The following CLIC5 variants were observed in gnomAD, a reference collection of about 807,000 sequenced individuals.
CLIC5 encodes chloride intracellular channel protein 5.
In CLIC5, 20 loss-of-function variants were observed where a neutral mutation model predicts 24.7. The ratio of observed to expected loss-of-function variants is 0.81; its 90% CI spans 0.57 to 1.18. CLIC5 has a LOEUF of 1.18. Ranked by LOEUF, CLIC5 falls within the 50% of genes most tolerant of loss-of-function variation. The pLI, the probability that CLIC5 is intolerant of heterozygous loss-of-function variation, is 0.00. For synonymous variants in CLIC5, 159 were observed against 135.6 expected (o/e 1.17, Z -1.20); for missense variants, 341 against 326.1 (o/e 1.05, Z -0.35).
rs185877813 is a variant in CLIC5, at chr6:45,922,593, G to A, written c.407-8184C>T. 2.9e-4 allele frequency among the ~76,000 whole-genome samples: 44 copies of A among 152,224 alleles called. 1 individual carries two copies. The East Asian group carries it at 6.4e-3, about 22-fold the overall frequency. ...AAAACACCAGCATGGTAAACATTTA[G>A]GACAACTTTAGCATGCCTTTAGTAT... is the stretch of plus-strand genomic sequence containing the variant. On this transcript the variant is annotated intron_variant, in intron 4 of 5. Coordinates refer to ENST00000339561, the MANE Select transcript of CLIC5 (RefSeq NM_016929.5).
chr6:46,017,651 T>G (rs143942836), upstream of CLIC5, among the ~76,000 whole-genome samples: 6 of 152,286 alleles, frequency 3.9e-5, no homozygotes, highest in African/African-American at 1.4e-4. Context: ...GAATAATAGT[T>G]ACATGAAATG....
At chr6:46,105,895 TTC>T in the CLIC5 span, among the ~76,000 whole-genome samples, 1 of 152,208 alleles carries the variant, frequency 6.6e-6, no homozygotes, top group Non-Finnish European at 1.5e-5. Flanking sequence ...GGCTATGTAT[TTC>T]TTTGTGTTTA....
chr6:45,992,300 G>T (rs1015101886), intron 1 of CLIC5, among the ~76,000 whole-genome samples: 1 of 152,198 alleles, frequency 6.6e-6, no homozygotes, highest in African/African-American at 2.4e-5. Flanking sequence ...TGTTGACCCA[G>T]CTCATTTCTA....
chr6:46,087,184 A>G, the CLIC5 span, among the ~76,000 whole-genome samples: 3 of 152,284 alleles, frequency 2.0e-5, no homozygotes, highest in East Asian at 5.8e-4. Context: ...ATTTTAGATT[A>G]TACAATCTGG....
intron 1 of CLIC5, among the ~76,000 whole-genome samples, chr6:46,005,975 T>TGA (rs1766538893): frequency 7.9e-6 from 1 of 126,842 alleles, no homozygotes; most frequent in East Asian, 2.1e-4. Context: ...ACAGAGCCTA[T>TGA]GTGTGTATAT....
At chr6:46,044,781 A>G (rs896537682) in intron 1 of CLIC5, among the ~76,000 whole-genome samples, 2 of 152,232 alleles carry the variant, frequency 1.3e-5, no homozygotes, top group African/African-American at 4.8e-5. Flanking sequence ...AACACAATTA[A>G]TGAAAGTTAC....
At chr6:46,102,943 C>T in the CLIC5 span, among the ~76,000 whole-genome samples, 8 of 152,308 alleles carry the variant, frequency 5.3e-5, no homozygotes, top group South Asian at 2.1e-4. Context: ...TTCTCCCTTG[C>T]GGATAAACAC....
At chr6:46,109,211 G>T in the CLIC5 span, among the ~76,000 whole-genome samples, 4 of 152,014 alleles carry the variant, frequency 2.6e-5, no homozygotes, top group Non-Finnish European at 5.9e-5. Flanking sequence ...TCGAAGAATG[G>T]TTTATAATTG....
At chr6:45,926,515 C>G (rs1763504574) in intron 4 of CLIC5, among the ~76,000 whole-genome samples, 1 of 151,960 alleles carries the variant, frequency 6.6e-6, no homozygotes, top group Non-Finnish European at 1.5e-5. Context: ...CTCGGCTTCC[C>G]AAAGTGCTGG....
At chr6:46,057,123 C>T (rs1331912024) in intron 1 of CLIC5, among the ~76,000 whole-genome samples, 1 of 152,200 alleles carries the variant, frequency 6.6e-6, no homozygotes, top group East Asian at 1.9e-4. Flanking sequence ...GCATTCTATT[C>T]ATCTGAGCCT....
chr6:45,915,578 C>T (rs1762999290), intron 4 of CLIC5, among the ~76,000 whole-genome samples: 2 of 152,160 alleles, frequency 1.3e-5, no homozygotes, highest in African/African-American at 4.8e-5. Flanking sequence ...AGGGCTCCAC[C>T]ACAAATGTGC....
At chr6:46,057,078 A>G (rs1768280202) in intron 1 of CLIC5, among the ~76,000 whole-genome samples, 1 of 152,212 alleles carries the variant, frequency 6.6e-6, no homozygotes, top group Non-Finnish European at 1.5e-5. Flanking sequence ...ATGTTGATTC[A>G]GACGCTTATC....
rs1436003308 is a variant in CLIC5, at chr6:45,903,085, T to C, written c.*3A>G. Reference sequence around the variant, plus strand: ...CAGCGGGGATGGGGCAAAATGGCTGTGCTCAGGATCGGCTGAGGCGTTTGG... The same window carrying C: ...CAGCGGGGATGGGGCAAAATGGCTGCGCTCAGGATCGGCTGAGGCGTTTGG... On this transcript the variant is annotated 3_prime_UTR_variant, in exon 6 of 6. Transcript: ENST00000339561. 2 of 1,614,084 alleles carry C rather than the reference T, an allele frequency of 1.2e-6. No homozygotes were observed. Among genetic ancestry groups the C allele is most frequent in the Admixed American group, 1.7e-5 (1 of 60,010 alleles).
intron 1 of CLIC5, among the ~76,000 whole-genome samples, chr6:46,045,381 C>T (rs1349978868): frequency 6.6e-6 from 1 of 152,038 alleles, no homozygotes; most frequent in Non-Finnish European, 1.5e-5. Flanking sequence ...CCTTTCCTTC[C>T]TTCCTTTTGC....
chr6:46,038,186 T>G (rs950827208), intron 1 of CLIC5, among the ~76,000 whole-genome samples: 1 of 152,146 alleles, frequency 6.6e-6, no homozygotes, highest in Non-Finnish European at 1.5e-5. Context: ...CCTTTCACTT[T>G]CATAAATGAA....
chr6:46,023,143 A>G (rs1013777921), intron 1 of CLIC5, among the ~76,000 whole-genome samples: 1 of 152,204 alleles, frequency 6.6e-6, no homozygotes, highest in African/African-American at 2.4e-5. Context: ...ACCTTCCACC[A>G]GTGAAATGGA....
At chr6:46,094,618 C>T in the CLIC5 span, among the ~76,000 whole-genome samples, 1 of 152,202 alleles carries the variant, frequency 6.6e-6, no homozygotes, top group Non-Finnish European at 1.5e-5. Context: ...CCAGGGAACA[C>T]TGGTGAAAGG....
rs572910131 is a variant in CLIC5, at chr6:46,013,979, C to T, written c.63+1501G>A. 1.3e-4 allele frequency among the ~76,000 whole-genome samples: 19 copies of T among 151,880 alleles called. No individual in the cohort carries two copies. The South Asian group carries it at 2.7e-3, about 22-fold the overall frequency. ...AGGTCCAACACTACCCAGCATCAGA[C>T]GAGAAATGACCTCCTTTATTACCTG... On this transcript the variant is annotated intron_variant, in intron 1 of 5. Transcript: ENST00000339561.
intron 6 of CLIC5, among the ~76,000 whole-genome samples, chr6:45,886,241 G>C (rs1223698220): frequency 6.6e-6 from 1 of 152,168 alleles, no homozygotes; most frequent in African/African-American, 2.4e-5. Context: ...ACTCCCCAGG[G>C]TGCAGCCCCA....
Sources: gnomAD v4.1 joint callset for allele counts (sites outside exome capture counted in the v4.1 genomes callset) on GRCh38, gnomAD v4.1.1 for gene constraint, MANE v1.5 for transcripts, NCBI Gene and HGNC (gene_info 2026-07-23, HGNC 2026-07-21) for gene names.